PDE8B: variants seen among roughly 807,000 people sequenced by gnomAD.
PDE8B encodes the protein phosphodiesterase 8B, also known as high affinity cAMP-specific and IBMX-insensitive 3',5'-cyclic phosphodiesterase 8B.
In PDE8B, 26 loss-of-function variants were observed where a neutral mutation model predicts 101.3. The observed-to-expected ratio is 0.26, with a 90% CI of 0.19 to 0.36. The LOEUF (loss-of-function observed/expected upper bound fraction) is 0.36, where lower values mean the gene tolerates loss of function less well. PDE8B is among the 10% of genes least tolerant of loss of function. The probability of loss-of-function intolerance (pLI) is 1.00; values close to 1 mark genes in which losing one functional copy is unlikely to be tolerated. For synonymous variants in PDE8B, 424 were observed against 429.3 expected (o/e 0.99, Z 0.15); for missense variants, 810 against 1,163.1 (o/e 0.70, Z 4.42).
chr5:77,361,394 AT>A (rs1783066319), intron 10 of PDE8B, among the ~76,000 whole-genome samples: 1 of 152,236 alleles, frequency 6.6e-6, no homozygotes, highest in African/African-American at 2.4e-5. Flanking sequence ...TAACCCAAAA[AT>A]ATCAAGAATG....
chr5:77,367,998 A>G (rs149365327), intron 10 of PDE8B, among the ~76,000 whole-genome samples: 1 of 152,374 alleles, frequency 6.6e-6, no homozygotes, highest in East Asian at 1.9e-4. Context: ...TGAGGCTGGC[A>G]TGGCCTTTGT....
chr5:77,195,055 T>C, the PDE8B span, among the ~76,000 whole-genome samples: 77 of 152,346 alleles, frequency 5.1e-4, no homozygotes, highest in Admixed American at 2.0e-3. Flanking sequence ...TGTGCTGCTA[T>C]AACAGAATAC....
intron 20 of PDE8B, among the ~76,000 whole-genome samples, chr5:77,423,621 TG>T: frequency 9.2e-6 from 1 of 108,504 alleles, no homozygotes; most frequent in Admixed American, 1.0e-4. Context: ...GCTGGACTTT[TG>T]TTTTGTTTAG....
chr5:77,192,297 C>T, the PDE8B span, among the ~76,000 whole-genome samples: 71 of 152,298 alleles, frequency 4.7e-4, no homozygotes, highest in Non-Finnish European at 4.3e-4. Context: ...CCAGTTCTAT[C>T]AGCCTGAGTC....
chr5:77,105,736 A>C, the PDE8B span: 1 of 152,208 alleles, frequency 6.6e-6, no homozygotes, highest in Non-Finnish European at 1.5e-5. Flanking sequence ...GTATTTTCCA[A>C]AGTAATAGTA....
intron 1 of PDE8B, among the ~76,000 whole-genome samples, chr5:77,229,001 G>T (rs1041813453): frequency 6.6e-6 from 1 of 152,172 alleles, no homozygotes; most frequent in Non-Finnish European, 1.5e-5. Flanking sequence ...CCAGGTTTTG[G>T]CAGAACATTC....
At chr5:77,259,068 A>ACACACCCCCCCC (rs1759857973) in intron 1 of PDE8B, among the ~76,000 whole-genome samples, 1 of 41,140 alleles carries the variant, frequency 2.4e-5, no homozygotes, top group African/African-American at 9.4e-5. Context: ...ACACACACAC[A>ACACACCCCCCCC]CCCCCGCCCC....
In PDE8B at chr5:77,407,464, G is replaced by A. The variant is rs2151061171; in HGVS notation, c.1365+7G>A. 1 of 1,607,046 alleles carries A rather than the reference G, an allele frequency of 6.2e-7. No individual in the cohort carries two copies. The highest frequency in any genetic ancestry group is 1.7e-5 in the Admixed American group (1 of 60,014). ...CGAGGCTCCCATCACAAAGGTGAGT[G>A]GCGGCTGCTGCCTGCACTCTGCAGT... On this transcript the variant is annotated splice_region_variant and intron_variant, in intron 13 of 21. Coordinates refer to ENST00000264917, the MANE Select transcript of PDE8B (RefSeq NM_003719.5).
rs1480931207 is a variant in PDE8B, at chr5:77,427,633, G to C, written c.*1079G>C. Reference sequence around the variant, plus strand: ...GTGGTGTAAATATATCAGAAAATAGGCATATGGGGAGGCAGTAAATACTAT... The same window carrying C: ...GTGGTGTAAATATATCAGAAAATAGCCATATGGGGAGGCAGTAAATACTAT... On this transcript the variant is annotated 3_prime_UTR_variant, in exon 22 of 22. Transcript: ENST00000264917. The C allele has an allele frequency of 6.6e-6, 1 of 152,068 alleles. No individual in the cohort carries two copies. The highest frequency in any genetic ancestry group is 2.4e-5 in the African/African-American group (1 of 41,416). The allele number at this position is 152,068 out of a possible 1,614,324, so 9.4% of individuals were successfully genotyped here. A position where few individuals can be genotyped will look rare whatever the true frequency, so the allele number is the denominator to read the frequency against.
At chr5:77,318,997 G>A (rs1171108740) in intron 2 of PDE8B, among the ~76,000 whole-genome samples, 3 of 152,142 alleles carry the variant, frequency 2.0e-5, no homozygotes, top group East Asian at 1.9e-4. Flanking sequence ...TTTATAATTA[G>A]CCATCACCAG....
the PDE8B span, among the ~76,000 whole-genome samples, chr5:77,117,474 G>A: frequency 6.6e-6 from 1 of 152,124 alleles, no homozygotes; most frequent in East Asian, 1.9e-4. Context: ...TGAAGACAGG[G>A]TCTCACTGTC....
At chr5:77,346,920 CT>C in intron 7 of PDE8B, among the ~76,000 whole-genome samples, 1 of 152,174 alleles carries the variant, frequency 6.6e-6, no homozygotes, top group East Asian at 1.9e-4. Flanking sequence ...TATGTTCTTA[CT>C]TGATATCAGC....
chr5:77,334,273 G>A (rs1057426581), intron 5 of PDE8B, among the ~76,000 whole-genome samples: 2 of 152,214 alleles, frequency 1.3e-5, no homozygotes, highest in Admixed American at 6.5e-5. Flanking sequence ...TGGTCCCTGA[G>A]TGGGGATCTA....
At chr5:77,227,329 T>C (rs1752605492) in intron 1 of PDE8B, among the ~76,000 whole-genome samples, 1 of 152,206 alleles carries the variant, frequency 6.6e-6, no homozygotes, top group Non-Finnish European at 1.5e-5. Flanking sequence ...GTATCAACTT[T>C]ATCAACTAGC....
At chr5:77,315,864 T>G (rs1203877155) in intron 2 of PDE8B, among the ~76,000 whole-genome samples, 1 of 152,228 alleles carries the variant, frequency 6.6e-6, no homozygotes, top group East Asian at 1.9e-4. Flanking sequence ...CCAGGCCAGC[T>G]GCCTTTCTTT....
At chr5:77,341,268 A>C (rs951013973) in intron 6 of PDE8B, among the ~76,000 whole-genome samples, 2 of 152,288 alleles carry the variant, frequency 1.3e-5, no homozygotes, top group East Asian at 3.9e-4. Flanking sequence ...TGTGGGGGGC[A>C]GGGGTGGGAA....
the PDE8B span, among the ~76,000 whole-genome samples, chr5:77,137,575 G>T: frequency 6.6e-6 from 1 of 152,162 alleles, no homozygotes; most frequent in Non-Finnish European, 1.5e-5. Flanking sequence ...TCTGTTCTCA[G>T]TGTCTTCACG....
At chr5:77,156,458 C>G in the PDE8B span, among the ~76,000 whole-genome samples, 1 of 152,144 alleles carries the variant, frequency 6.6e-6, no homozygotes, top group South Asian at 2.1e-4. Context: ...CTGGAGGTGA[C>G]CCCAGGAATT....
intron 1 of PDE8B, among the ~76,000 whole-genome samples, chr5:77,307,018 C>T (rs1440904318): frequency 6.6e-6 from 1 of 152,184 alleles, no homozygotes; most frequent in Non-Finnish European, 1.5e-5. Context: ...TTTCCCAAGT[C>T]ACAGATCTTA....
Sources: allele counts gnomAD v4.1 joint callset (sites outside exome capture counted in the v4.1 genomes callset), GRCh38; gene constraint gnomAD v4.1.1; transcripts MANE v1.5; gene names NCBI Gene and HGNC (gene_info 2026-07-23, HGNC 2026-07-21).